KIAA1671: variants seen among roughly 807,000 people sequenced by gnomAD.
KIAA1671 encodes the protein KIAA1671.
In KIAA1671, 52 loss-of-function variants were observed where a neutral mutation model predicts 131.2. The observed-to-expected ratio is 0.40, with a 90% CI of 0.32 to 0.50. The LOEUF is 0.50. KIAA1671 is among the 20% of genes least tolerant of loss of function. The probability of loss-of-function intolerance (pLI) is 0.73; values close to 1 mark genes in which losing one functional copy is unlikely to be tolerated. For synonymous variants in KIAA1671, 1,003 were observed against 961.6 expected, an observed-to-expected ratio of 1.04 and a Z score of -0.80; for missense variants, 2,360 against 2,364.2, an observed-to-expected ratio of 1.00 and a Z score of 0.04.
At chr22:25,125,905 G>T (rs1014046430) in intron 6 of KIAA1671, among the ~76,000 whole-genome samples, 1 of 152,224 alleles carries the variant, frequency 6.6e-6, no homozygotes, top group African/African-American at 2.4e-5. Context: ...TTAGGTAATA[G>T]AACCTTTGAT....
chr22:25,153,730 G>A (rs1214516788), intron 6 of KIAA1671, among the ~76,000 whole-genome samples: 2 of 152,220 alleles, frequency 1.3e-5, no homozygotes, highest in African/African-American at 4.8e-5. Flanking sequence ...GCACTCGGAT[G>A]TTGCCCTACA....
Position 25,028,520 on chromosome 22 carries a change from C to T in KIAA1671, c.521C>T (p.Ser174Phe). 2 of 1,549,482 alleles carry T rather than the reference C, an allele frequency of 1.3e-6. No homozygotes were observed. The highest frequency in any genetic ancestry group is 1.7e-6 in the Non-Finnish European group (2 of 1,146,244). ...GAGGCCAAGCTAGGTGTGTCCGGCT[C>T]CCGGCCTGAGGTGGCTGCCAAGCCC... ...AEEAKLGVSGSRPEVAAKPAL... is the reference protein window; with the variant it reads ...AEEAKLGVSGFRPEVAAKPAL... The change falls in exon 3 of 13, where the codon TCC (serine) becomes TTC (phenylalanine). Residue 174 changes from serine to phenylalanine, a missense_variant. Physicochemically the swap from Ser to Phe is radical, Grantham distance 155. Around this residue, in one of 3 missense-constraint regions of KIAA1671, gnomAD observed 1,185 missense variants for 1,126.2 expected, o/e 1.05. Coordinates refer to ENST00000358431, the MANE Select transcript of KIAA1671 (RefSeq NM_001145206.2).
chr22:24,970,372 A>G (rs886211768), intron 1 of KIAA1671, among the ~76,000 whole-genome samples: 2 of 152,232 alleles, frequency 1.3e-5, no homozygotes, highest in Non-Finnish European at 2.9e-5. Flanking sequence ...AGGGCAGGTC[A>G]TGGAGCCTGG....
Position 25,194,490 on chromosome 22 carries a change from C to T in KIAA1671, c.*2089C>T, listed in dbSNP as rs1321636665. On this transcript the variant is annotated 3_prime_UTR_variant, in exon 13 of 13. Transcript: ENST00000358431. ...CTCAAGCAGTAGGAAAGGACCTGCT[C>T]TTACATATATTGATGGTCCTCATGC... 1 of 152,184 alleles carries T rather than the reference C, an allele frequency of 6.6e-6. No individual in the cohort carries two copies. Among genetic ancestry groups the T allele is most frequent in the Non-Finnish European group, 1.5e-5 (1 of 68,028 alleles). 9.4% of individuals were successfully genotyped at this position (152,184 alleles called of 1,614,324 possible). A position where few individuals can be genotyped will look rare whatever the true frequency, so the allele number is the denominator to read the frequency against.
chr22:25,138,580 A>G lies in KIAA1671; in HGVS notation c.4531-32240A>G, dbSNP rs1932757990. On this transcript the variant is annotated intron_variant, in intron 6 of 12. Transcript: ENST00000358431. ...CTGCTCTTGTTGCTTAGATTGATTA[A>G]CGATCCCTGAGTTGAACATTCACCT... Among the ~76,000 whole-genome samples, 2 of 152,178 alleles carry G rather than the reference A, an allele frequency of 1.3e-5. 1 individual carries two copies. The highest frequency in any genetic ancestry group is 4.1e-4 in the South Asian group (2 of 4,824).
intron 1 of KIAA1671, among the ~76,000 whole-genome samples, chr22:25,024,847 GTAT>G (rs1925848694): frequency 6.6e-6 from 1 of 151,978 alleles, no homozygotes; most frequent in South Asian, 2.1e-4. Flanking sequence ...GGATGATGTC[GTAT>G]TAAATGTAAC....
chr22:25,057,535 T>C (rs1927917691), intron 6 of KIAA1671: 1 of 152,046 alleles, frequency 6.6e-6, no homozygotes, highest in African/African-American at 2.4e-5. Flanking sequence ...GAGTGAACCT[T>C]TTCCACCTGT....
chr22:25,172,780 A>G (rs930585999), intron 7 of KIAA1671, among the ~76,000 whole-genome samples: 4 of 152,208 alleles, frequency 2.6e-5, no homozygotes, highest in South Asian at 2.1e-4. Context: ...TATCATAGGA[A>G]GAGATTTCAG....
intron 6 of KIAA1671, among the ~76,000 whole-genome samples, chr22:25,092,432 G>A (rs1022734429): frequency 6.6e-6 from 1 of 152,206 alleles, no homozygotes; most frequent in African/African-American, 2.4e-5. Flanking sequence ...GCAAGTGGGA[G>A]CCTTGTGGGC....
At chr22:24,960,389 T>C (rs1191753543) in intron 1 of KIAA1671, among the ~76,000 whole-genome samples, 1 of 150,594 alleles carries the variant, frequency 6.6e-6, no homozygotes, top group Non-Finnish European at 1.5e-5. Context: ...CTACTAAAAA[T>C]ACAAAAATTA....
Position 25,195,607 on chromosome 22 carries a change from A to T in KIAA1671, c.*3206A>T, listed in dbSNP as rs1412599099. The T allele has an allele frequency of 1.3e-5, 2 of 152,186 alleles. No individual in the cohort carries two copies. Among genetic ancestry groups the T allele is most frequent in the African/African-American group, 4.8e-5 (2 of 41,432 alleles). The allele number at this position is 152,186 out of a possible 1,614,324, so 9.4% of individuals were successfully genotyped here. A position where few individuals can be genotyped will look rare whatever the true frequency, so the allele number is the denominator to read the frequency against. ...AGAAGCCAAAAGAGAAATAGGCATG[A>T]GCCTGTGGTTTTAAACTTTACAGGC... On this transcript the variant is annotated 3_prime_UTR_variant, in exon 13 of 13. Transcript: ENST00000358431.
chr22:25,051,701 T>A (rs1927542679), intron 6 of KIAA1671: 1 of 152,176 alleles, frequency 6.6e-6, no homozygotes, highest in African/African-American at 2.4e-5. Context: ...TTAACCAGGG[T>A]GACCCAGCAG....
chr22:25,075,878 C>T (rs1220320381), intron 6 of KIAA1671, among the ~76,000 whole-genome samples: 18 of 151,566 alleles, frequency 1.2e-4, no homozygotes, highest in African/African-American at 4.1e-4. Flanking sequence ...CGGGTTCAAG[C>T]GATTCTCCTG....
intron 1 of KIAA1671, among the ~76,000 whole-genome samples, chr22:24,969,343 G>T (rs1162697306): frequency 1.3e-5 from 2 of 152,038 alleles, no homozygotes; most frequent in Non-Finnish European, 2.9e-5. Flanking sequence ...TATAACCTAC[G>T]CATATCTTCT....
At chr22:25,070,052 C>A in intron 6 of KIAA1671, 1 of 297,158 alleles carries the variant, frequency 3.4e-6, no homozygotes, top group Non-Finnish European at 6.2e-6. Flanking sequence ...CCCTCCGTGC[C>A]TACGGCTCCC....
intron 6 of KIAA1671, among the ~76,000 whole-genome samples, chr22:25,088,864 A>G (rs1201445343): frequency 7.1e-6 from 1 of 141,252 alleles, no homozygotes; most frequent in African/African-American, 2.6e-5. Flanking sequence ...GTACCCTCCC[A>G]TATGTACATA....
chr22:25,046,437 T>TTCCTCTCTCCATCCCC (rs1927237129), intron 5 of KIAA1671, among the ~76,000 whole-genome samples: 1 of 151,238 alleles, frequency 6.6e-6, no homozygotes, highest in African/African-American at 2.4e-5. Flanking sequence ...TCTCCATCCC[T>TTCCTCTCTCCATCCCC]TCCTCTCTTT....
At chr22:25,114,054 G>A (rs564410519) in intron 6 of KIAA1671, among the ~76,000 whole-genome samples, 1 of 152,316 alleles carries the variant, frequency 6.6e-6, no homozygotes, top group East Asian at 1.9e-4. Flanking sequence ...GTTACAGGTT[G>A]GTGCCACTGG....
intron 11 of KIAA1671, among the ~76,000 whole-genome samples, chr22:25,187,133 C>T (rs1027982530): frequency 3.3e-5 from 5 of 152,206 alleles, no homozygotes; most frequent in Non-Finnish European, 7.3e-5. Flanking sequence ...TGCAGACCCC[C>T]ACTGTACCAC....
Sources: gnomAD v4.1 joint callset for allele counts (sites outside exome capture counted in the v4.1 genomes callset) on GRCh38, gnomAD v4.1.1 for gene constraint, gnomAD v4.1.1 regional missense constraint, MANE v1.5 for transcripts, NCBI Gene and HGNC (gene_info 2026-07-23, HGNC 2026-07-21) for gene names.